The following GNG2 variants were observed in gnomAD, a reference collection of about 807,000 sequenced individuals.
GNG2 encodes guanine nucleotide-binding protein G(I)/G(S)/G(O) subunit gamma-2.
In GNG2, 5 loss-of-function variants were observed where a neutral mutation model predicts 5.5. The observed-to-expected ratio is 0.91, with a 90% CI of 0.48 to 1.92. The LOEUF is 1.92. Among genes scored for constraint, GNG2 ranks in the 30% most tolerant of loss-of-function variants. The probability of loss-of-function intolerance (pLI) is 0.01; values close to 1 mark genes in which losing one functional copy is unlikely to be tolerated. For synonymous variants in GNG2, 28 were observed against 32.0 expected, an observed-to-expected ratio of 0.88 and a Z score of 0.42; for missense variants, 55 against 88.4, an observed-to-expected ratio of 0.62 and a Z score of 1.52.
intron 2 of GNG2, among the ~76,000 whole-genome samples, chr14:51,936,397 A>T (rs1566698802): frequency 6.6e-6 from 1 of 152,186 alleles, no homozygotes; most frequent in Non-Finnish European, 1.5e-5. Context: ...GGTACGCTAG[A>T]AAAGGAAGAA....
At chr14:51,857,861 T>C (rs1412561494), upstream of GNG2, among the ~76,000 whole-genome samples, 1 of 152,170 alleles carries the variant, frequency 6.6e-6, no homozygotes, top group Non-Finnish European at 1.5e-5. Flanking sequence ...TGGATGAAGG[T>C]ATAGTACATA....
At chr14:51,869,362 C>T (rs1274851048) in intron 1 of GNG2, among the ~76,000 whole-genome samples, 1 of 152,186 alleles carries the variant, frequency 6.6e-6, no homozygotes, top group Non-Finnish European at 1.5e-5. Flanking sequence ...GGATAATGTC[C>T]TTAGCAACCT....
intron 2 of GNG2, among the ~76,000 whole-genome samples, chr14:51,895,314 T>A (rs866447274): frequency 1.3e-5 from 2 of 152,214 alleles, no homozygotes; most frequent in African/African-American, 4.8e-5. Context: ...CACAGTGTTT[T>A]AACTTAAAAA....
intron 2 of GNG2, among the ~76,000 whole-genome samples, chr14:51,901,937 T>A (rs568054593): frequency 1.7e-4 from 15 of 89,604 alleles, no homozygotes; most frequent in African/African-American, 2.2e-4. Flanking sequence ...GATAGCTACA[T>A]CAACTAAGAT....
chr14:51,827,579 C>G (rs1044866718), intron 1 of GNG2: 29 of 639,536 alleles, frequency 4.5e-5, no homozygotes, highest in Admixed American at 1.4e-4. Context: ...CAGACTATAA[C>G]TAGCTCAGCT....
At chr14:51,914,249 A>G (rs1159073914) in intron 2 of GNG2, 8 of 702,198 alleles carry the variant, frequency 1.1e-5, no homozygotes, top group Non-Finnish European at 2.1e-5. Flanking sequence ...TTATTAGGCA[A>G]CATAAAACGG....
At chr14:51,927,581 G>T (rs536687660) in intron 2 of GNG2, among the ~76,000 whole-genome samples, 1 of 152,274 alleles carries the variant, frequency 6.6e-6, no homozygotes, top group Admixed American at 6.5e-5. Context: ...CTATTTATGG[G>T]TCTGTTTTTA....
chr14:51,833,363 A>C (rs1430498962), intron 2 of GNG2, among the ~76,000 whole-genome samples: 1 of 152,054 alleles, frequency 6.6e-6, no homozygotes, highest in Non-Finnish European at 1.5e-5. Flanking sequence ...CTCTTTGTTC[A>C]TGAATTTCTT....
chr14:51,863,476 G>A (rs958793161), intron 1 of GNG2, among the ~76,000 whole-genome samples: 6 of 152,066 alleles, frequency 3.9e-5, no homozygotes, highest in South Asian at 2.1e-4. Context: ...CATATTCTTG[G>A]TCTTTACCAC....
intron 2 of GNG2, among the ~76,000 whole-genome samples, chr14:51,912,818 A>G (rs559922082): frequency 5.7e-5 from 6 of 104,514 alleles, no homozygotes; most frequent in African/African-American, 2.3e-4. Context: ...TGCAACGTGT[A>G]TTTCAGCTAC....
chr14:51,941,875 GA>G (rs1888334984), intron 2 of GNG2, among the ~76,000 whole-genome samples: 1 of 152,160 alleles, frequency 6.6e-6, no homozygotes, highest in African/African-American at 2.4e-5. Flanking sequence ...CTCATCAGTT[GA>G]AAAGAATAAA....
chr14:51,894,375 T>G (rs138572451), intron 2 of GNG2, among the ~76,000 whole-genome samples: 104 of 136,060 alleles, frequency 7.6e-4, no homozygotes, highest in African/African-American at 2.5e-3. Context: ...TAAAACTTGT[T>G]CTCAGACTAA....
intron 2 of GNG2, among the ~76,000 whole-genome samples, chr14:51,928,702 C>T (rs191870815): frequency 6.6e-6 from 1 of 152,320 alleles, no homozygotes; most frequent in East Asian, 1.9e-4. Flanking sequence ...CTTGTCTATT[C>T]ATTAACCCCA....
rs58532727 is a variant in GNG2, at chr14:51,966,962, G to GC, written c.*285dup. ...GTCACTTCTTTTCTGCTATCCCCCA[G>GC]CCCCCCCCCCAAAATCCTCATGTTT... On this transcript the variant is annotated 3_prime_UTR_variant, in exon 4 of 4. Transcript: ENST00000556766. 0.12 allele frequency: 13,079 copies of GC among 106,308 alleles called. 1,352 individuals carry two copies. Among genetic ancestry groups the GC allele is most frequent in the East Asian group, 0.39 (1,549 of 3,942 alleles). 6.6% of individuals were successfully genotyped at this position (106,308 alleles called of 1,614,324 possible). A position where few individuals can be genotyped will look rare whatever the true frequency, so the allele number is the denominator to read the frequency against.
intron 3 of GNG2, among the ~76,000 whole-genome samples, chr14:51,964,312 CAG>C (rs776648706): frequency 6.6e-6 from 1 of 152,198 alleles, no homozygotes; most frequent in Non-Finnish European, 1.5e-5. Flanking sequence ...TAGTCTCTAA[CAG>C]AATAAATTTC....
chr14:51,864,616 C>G (rs1425676812), intron 1 of GNG2, among the ~76,000 whole-genome samples: 1 of 152,178 alleles, frequency 6.6e-6, no homozygotes, highest in Non-Finnish European at 1.5e-5. Context: ...TAGTGAAATT[C>G]AAACCTTTAT....
chr14:51,928,640 C>T (rs1887481312), intron 2 of GNG2, among the ~76,000 whole-genome samples: 1 of 152,158 alleles, frequency 6.6e-6, no homozygotes, highest in Non-Finnish European at 1.5e-5. Context: ...CATGAAAAAT[C>T]AAGCCAAAAC....
intron 3 of GNG2, among the ~76,000 whole-genome samples, chr14:51,964,157 CAG>C (rs1423205209): frequency 6.6e-6 from 1 of 152,068 alleles, no homozygotes; most frequent in Non-Finnish European, 1.5e-5. Flanking sequence ...AAAATAGAGA[CAG>C]AGATTGGAGT....
intron 2 of GNG2, among the ~76,000 whole-genome samples, chr14:51,878,840 T>C (rs1199709375): frequency 1.3e-5 from 2 of 152,250 alleles, no homozygotes; most frequent in Non-Finnish European, 2.9e-5. Flanking sequence ...ACATCCCATA[T>C]TCTATCAAAT....
Sources: gnomAD v4.1 joint callset for allele counts (sites outside exome capture counted in the v4.1 genomes callset) on GRCh38, gnomAD v4.1.1 for gene constraint, MANE v1.5 for transcripts, NCBI Gene and HGNC (gene_info 2026-07-23, HGNC 2026-07-21) for gene names.